Variants in RSF1 observed in about 807,000 individuals in gnomAD.
RSF1 encodes the protein HBV pX-associated protein 8.
Under a neutral mutation model 145.2 loss-of-function variants are expected in RSF1, and 13 were observed. That is an observed-to-expected ratio of 0.09 (90% CI 0.06 to 0.14). RSF1 has a LOEUF of 0.14. Ranked by LOEUF, RSF1 falls within the 10% of genes least tolerant of loss-of-function variation. The pLI, the probability that RSF1 is intolerant of heterozygous loss-of-function variation, is 1.00. For missense variants in RSF1, 1,517 were observed against 1,718.2 expected (o/e 0.88, Z 2.07); for synonymous variants, 577 against 592.6 (o/e 0.97, Z 0.38).
At chr11:77,779,664 C>A (rs1948383984) in intron 1 of RSF1, among the ~76,000 whole-genome samples, 1 of 152,164 alleles carries the variant, frequency 6.6e-6, no homozygotes, top group Admixed American at 6.5e-5. Flanking sequence ...AACCACCACA[C>A]CTGGCCTCTT....
intron 1 of RSF1, among the ~76,000 whole-genome samples, chr11:77,775,811 T>G (rs186441636): frequency 1.2e-3 from 188 of 152,296 alleles, no homozygotes; most frequent in African/African-American, 4.0e-3. Flanking sequence ...CTCTGTTGTC[T>G]AGGCTGAAGT....
At chr11:77,842,797 C>T in the RSF1 span, among the ~76,000 whole-genome samples, 2 of 152,204 alleles carry the variant, frequency 1.3e-5, no homozygotes, top group African/African-American at 2.4e-5. Flanking sequence ...GGACTTCTTA[C>T]ATTCAATGCC....
chr11:77,813,694 C>T, intron 1 of RSF1: 2 of 470,588 alleles, frequency 4.2e-6, no homozygotes, highest in South Asian at 3.8e-5. Flanking sequence ...GCACGGCTTC[C>T]TGACCGACTT....
the RSF1 span, among the ~76,000 whole-genome samples, chr11:77,869,517 A>G: frequency 4.0e-5 from 6 of 151,474 alleles, no homozygotes; most frequent in East Asian, 1.9e-4. Context: ...CGGTCTCCCT[A>G]TGTTGCCCAG....
At chr11:77,687,597 C>T (rs1313468197) in intron 9 of RSF1, among the ~76,000 whole-genome samples, 3 of 152,090 alleles carry the variant, frequency 2.0e-5, no homozygotes, top group South Asian at 2.1e-4. Context: ...GTCCAAGCTA[C>T]TCAGGAGGCT....
In RSF1 at chr11:77,661,187, C is replaced by A. The variant is rs75402463; in HGVS notation, c.*5730G>T. ...GAATAGATTAAAATCAAGCCCTGCTCTACCACCATCTTAGCATAGGACATA... is the reference window on the plus strand; with the variant it reads ...GAATAGATTAAAATCAAGCCCTGCTATACCACCATCTTAGCATAGGACATA... On this transcript the variant is annotated 3_prime_UTR_variant, in exon 16 of 16. Coordinates refer to ENST00000308488, the MANE Select transcript of RSF1 (RefSeq NM_016578.4). The A allele has an allele frequency of 6.6e-6, 1 of 152,120 alleles. No homozygotes were observed. The highest frequency in any genetic ancestry group is 6.6e-5 in the Admixed American group (1 of 15,256). 9.4% of individuals were successfully genotyped at this position (152,120 alleles called of 1,614,324 possible). A position where few individuals can be genotyped will look rare whatever the true frequency, so the allele number is the denominator to read the frequency against.
Position 77,748,606 on chromosome 11 carries a change from CA to C in RSF1, c.280-1479del, listed in dbSNP as rs539782466. 1.6e-3 allele frequency among the ~76,000 whole-genome samples: 244 copies of C among 152,098 alleles called. 2 individuals are homozygous for C. The highest frequency in any genetic ancestry group is 5.7e-3 in the African/African-American group (235 of 41,496). On this transcript the variant is annotated intron_variant, in intron 2 of 15. Transcript: ENST00000308488. ...GAGGAAGACCCTAAAGTGATTATAT[CA>C]AAAGCTAAAATGTCAGAATCTGAAT...
the RSF1 span, among the ~76,000 whole-genome samples, chr11:77,833,007 ATAT>A: frequency 5.8e-5 from 3 of 51,948 alleles, no homozygotes; most frequent in Middle Eastern, 8.1e-3. Flanking sequence ...GTATATATAT[ATAT>A]TTTTTTTTTT....
chr11:77,796,374 G>A (rs113442914), intron 1 of RSF1, among the ~76,000 whole-genome samples: 71 of 152,090 alleles, frequency 4.7e-4, no homozygotes, highest in Middle Eastern at 3.4e-3. Flanking sequence ...GTCAATAAAC[G>A]TAATTCATCA....
chr11:77,797,816 G>GA (rs1229772289), intron 1 of RSF1, among the ~76,000 whole-genome samples: 1 of 147,712 alleles, frequency 6.8e-6, no homozygotes, highest in Non-Finnish European at 1.5e-5. Context: ...AAATTTACAA[G>GA]AAAAAAACAA....
chr11:77,708,774 T>C (rs55954881), intron 5 of RSF1, among the ~76,000 whole-genome samples: 3,229 of 152,310 alleles, frequency 0.021, 101 homozygotes, highest in African/African-American at 0.073. Flanking sequence ...GAGCCTTACC[T>C]GCCTGACCTT....
chr11:77,682,309 A>G (rs1307866051), intron 11 of RSF1, among the ~76,000 whole-genome samples: 1 of 152,206 alleles, frequency 6.6e-6, no homozygotes, highest in East Asian at 1.9e-4. Context: ...GTTCAAAGTT[A>G]AGAGTTTCAT....
the RSF1 span, among the ~76,000 whole-genome samples, chr11:77,841,781 A>G: frequency 6.6e-6 from 1 of 152,146 alleles, no homozygotes; most frequent in South Asian, 2.1e-4. Context: ...AATCCCACCT[A>G]GTTTGCCAAT....
intron 5 of RSF1, among the ~76,000 whole-genome samples, chr11:77,715,591 G>T (rs1351483204): frequency 6.6e-6 from 1 of 152,036 alleles, no homozygotes; most frequent in African/African-American, 2.4e-5. Flanking sequence ...GGGATTACAG[G>T]CTCATGCCAT....
chr11:77,762,489 A>G (rs1331551617), intron 2 of RSF1: 1 of 152,194 alleles, frequency 6.6e-6, no homozygotes, highest in Non-Finnish European at 1.5e-5. Context: ...TCCTGAACAC[A>G]TGACTGTTAG....
intron 1 of RSF1, among the ~76,000 whole-genome samples, chr11:77,797,314 A>G (rs1460218141): frequency 6.6e-6 from 1 of 152,218 alleles, no homozygotes; most frequent in East Asian, 1.9e-4. Flanking sequence ...CAAAACAGAT[A>G]TATAGTCCAA....
the RSF1 span, among the ~76,000 whole-genome samples, chr11:77,841,637 C>T: frequency 1.3e-5 from 2 of 152,112 alleles, no homozygotes; most frequent in African/African-American, 4.8e-5. Flanking sequence ...ATCCATTAGC[C>T]CAGAATGTTT....
At chr11:77,834,970 A>G in the RSF1 span, among the ~76,000 whole-genome samples, 2 of 152,204 alleles carry the variant, frequency 1.3e-5, no homozygotes, top group African/African-American at 4.8e-5. Context: ...TCCGAAGGGT[A>G]TCCATATTTT....
At position 77,799,797 on chromosome 11, in the gene RSF1, T is replaced by C. The variant is rs537840725; in HGVS notation, c.187+20731A>G. On this transcript the variant is annotated intron_variant, in intron 1 of 15. Transcript: ENST00000308488. ...GATGAAGAAAAATAGAAGACTCAAGTTTCCCAAGTCAGAAATGCAAGCAGG... is the reference window on the plus strand; with the variant it reads ...GATGAAGAAAAATAGAAGACTCAAGCTTCCCAAGTCAGAAATGCAAGCAGG... Among the ~76,000 whole-genome samples the C allele has an allele frequency of 7.9e-4, 120 of 152,196 alleles. 1 individual carries two copies. The highest frequency in any genetic ancestry group is 2.7e-3 in the African/African-American group (114 of 41,522).
Sources: allele counts gnomAD v4.1 joint callset (sites outside exome capture counted in the v4.1 genomes callset), GRCh38; gene constraint gnomAD v4.1.1; transcripts MANE v1.5; gene names NCBI Gene and HGNC (gene_info 2026-07-23, HGNC 2026-07-21).